Variants in DLGAP1 observed in about 807,000 individuals in gnomAD.
DLGAP1 encodes the protein disks large-associated protein 1.
Under a neutral mutation model 90.8 loss-of-function variants are expected in DLGAP1, and 11 were observed. The ratio of observed to expected loss-of-function variants is 0.12; its 90% CI spans 0.08 to 0.20. The LOEUF (loss-of-function observed/expected upper bound fraction) is 0.20, where lower values mean the gene tolerates loss of function less well. DLGAP1 is among the 10% of genes least tolerant of loss of function. DLGAP1 has a pLI of 1.00. For synonymous variants in DLGAP1, 558 were observed against 540.7 expected, an observed-to-expected ratio of 1.03 and a Z score of -0.44; for missense variants, 1,050 against 1,333.8, an observed-to-expected ratio of 0.79 and a Z score of 3.31.
intron 2 of DLGAP1, among the ~76,000 whole-genome samples, chr18:4,106,775 GAA>G (rs371197643): frequency 3.9e-5 from 6 of 152,142 alleles, no homozygotes; most frequent in African/African-American, 1.2e-4. Flanking sequence ...TTTAATATCA[GAA>G]TAATATATCC....
At chr18:3,783,325 T>A (rs562625165) in intron 5 of DLGAP1, among the ~76,000 whole-genome samples, 194 of 152,290 alleles carry the variant, frequency 1.3e-3, no homozygotes, top group African/African-American at 4.5e-3. Context: ...AATGAAAACA[T>A]ATGCCCACAT....
intron 3 of DLGAP1, among the ~76,000 whole-genome samples, chr18:3,936,116 C>CA (rs1348448906): frequency 1.3e-5 from 2 of 152,184 alleles, no homozygotes; most frequent in Non-Finnish European, 1.5e-5. Flanking sequence ...TGAACCCCCC[C>CA]AGAGACTTAT....
chr18:4,265,133 T>TCCC (rs57824791), intron 1 of DLGAP1, among the ~76,000 whole-genome samples: 1 of 149,304 alleles, frequency 6.7e-6, no homozygotes, highest in Admixed American at 6.7e-5. Context: ...CTTCCTTCCT[T>TCCC]TCCTCCCTCC....
chr18:3,877,109 G>C (rs2071023884), intron 4 of DLGAP1, among the ~76,000 whole-genome samples: 1 of 152,024 alleles, frequency 6.6e-6, no homozygotes, highest in Non-Finnish European at 1.5e-5. Context: ...TATAAAAATA[G>C]AATATTATTA....
intron 1 of DLGAP1, among the ~76,000 whole-genome samples, chr18:4,220,479 A>T (rs1351341764): frequency 6.6e-6 from 1 of 152,130 alleles, no homozygotes; most frequent in Admixed American, 6.6e-5. Flanking sequence ...AAGAGGGTGG[A>T]TGGCGACACT....
At chr18:3,846,043 G>GGTGTGTGT (rs35460885) in intron 4 of DLGAP1, among the ~76,000 whole-genome samples, 13,014 of 144,968 alleles carry the variant, frequency 0.09, 611 homozygotes, top group Middle Eastern at 0.11. Context: ...TTGAAAGTGT[G>GGTGTGTGT]GTGTGTGTGT....
intron 1 of DLGAP1, among the ~76,000 whole-genome samples, chr18:4,208,757 G>A (rs753431755): frequency 7.9e-5 from 12 of 151,930 alleles, no homozygotes; most frequent in Non-Finnish European, 1.2e-4. Flanking sequence ...AGAACAGAGG[G>A]AGAGGGAGAA....
intron 1 of DLGAP1, among the ~76,000 whole-genome samples, chr18:4,220,359 C>T (rs1296709703): frequency 6.6e-6 from 1 of 152,006 alleles, no homozygotes; most frequent in Non-Finnish European, 1.5e-5. Context: ...AACTTAGTAT[C>T]CTTTGTTCTC....
chr18:4,290,481 C>G (rs370564556), intron 1 of DLGAP1, among the ~76,000 whole-genome samples: 1 of 152,126 alleles, frequency 6.6e-6, no homozygotes, highest in African/African-American at 2.4e-5. Context: ...TGAAAGGTAA[C>G]GTGGACTCCA....
intron 7 of DLGAP1, chr18:3,708,514 A>G (rs2061505862): frequency 2.2e-6 from 1 of 456,488 alleles, no homozygotes; most frequent in South Asian, 1.5e-5. Flanking sequence ...GCAAAGGACA[A>G]TACAAGTGTC....
chr18:3,749,591 T>C (rs2063418238), intron 5 of DLGAP1, among the ~76,000 whole-genome samples: 1 of 152,204 alleles, frequency 6.6e-6, no homozygotes, highest in Non-Finnish European at 1.5e-5. Context: ...ATTCTGTTTA[T>C]GGACAATCTC....
At chr18:3,993,303 A>C (rs888292657) in intron 3 of DLGAP1, 4 of 152,210 alleles carry the variant, frequency 2.6e-5, no homozygotes, top group Non-Finnish European at 4.4e-5. Flanking sequence ...TAGAAAAAAG[A>C]AAAGAAACAG....
chr18:3,947,660 C>T (rs1250276374), intron 3 of DLGAP1, among the ~76,000 whole-genome samples: 1 of 152,218 alleles, frequency 6.6e-6, no homozygotes, highest in East Asian at 1.9e-4. Flanking sequence ...CTCCCCCCAC[C>T]CCAATTTCAC....
At chr18:3,597,025 A>T in intron 7 of DLGAP1, 1 of 518,882 alleles carries the variant, frequency 1.9e-6, no homozygotes, top group Non-Finnish European at 3.9e-6. Context: ...CGTGGGAGGC[A>T]CCTGTGACAC....
At chr18:3,503,193 ATTTTATCATAGGAAG>A (rs1475136303) in intron 11 of DLGAP1, among the ~76,000 whole-genome samples, 1 of 94,260 alleles carries the variant, frequency 1.1e-5, no homozygotes, top group South Asian at 4.7e-4. Flanking sequence ...ATAGGAAGTA[ATTTTATCATAGGAAG>A]TAATTTTATC....
chr18:3,951,130 C>T (rs1055246248), intron 3 of DLGAP1, among the ~76,000 whole-genome samples: 7 of 152,152 alleles, frequency 4.6e-5, no homozygotes, highest in African/African-American at 1.7e-4. Flanking sequence ...TACATGTTTG[C>T]CCCATGGTGT....
chr18:4,311,287 C>A (rs2080391216), intron 1 of DLGAP1, among the ~76,000 whole-genome samples: 1 of 152,202 alleles, frequency 6.6e-6, no homozygotes, highest in Admixed American at 6.5e-5. Flanking sequence ...TTTTTACCCT[C>A]TAATTCATAA....
intron 1 of DLGAP1, among the ~76,000 whole-genome samples, chr18:4,368,070 A>T (rs963169637): frequency 6.6e-6 from 1 of 152,160 alleles, no homozygotes; most frequent in African/African-American, 2.4e-5. Flanking sequence ...TGGGCAACAC[A>T]TTAGACTATA....
intron 1 of DLGAP1, among the ~76,000 whole-genome samples, chr18:4,353,662 A>G (rs78426211): frequency 0.011 from 1,709 of 151,714 alleles, 28 homozygotes; most frequent in African/African-American, 0.039. Context: ...AGTGTAAGAT[A>G]TTTAAAATGT....
Sources: allele counts gnomAD v4.1 joint callset (sites outside exome capture counted in the v4.1 genomes callset), GRCh38; gene constraint gnomAD v4.1.1; transcripts MANE v1.5; gene names NCBI Gene and HGNC (gene_info 2026-07-23, HGNC 2026-07-21).